The following SPOCK1 variants were observed in gnomAD, a reference collection of about 807,000 sequenced individuals.
SPOCK1 encodes the protein testican-1.
In SPOCK1, 23 loss-of-function variants were observed where a neutral mutation model predicts 55.3. The ratio of observed to expected loss-of-function variants is 0.42; its 90% CI spans 0.30 to 0.59. SPOCK1 has a LOEUF of 0.59. Among genes scored for constraint, SPOCK1 ranks in the 20% least tolerant of loss-of-function variants. The probability of loss-of-function intolerance (pLI) is 0.22; values close to 1 mark genes in which losing one functional copy is unlikely to be tolerated. For synonymous variants in SPOCK1, 226 were observed against 221.0 expected (o/e 1.02, Z -0.20); for missense variants, 499 against 552.5 (o/e 0.90, Z 0.97).
At chr5:137,395,873 T>G (rs1443276342) in intron 2 of SPOCK1, among the ~76,000 whole-genome samples, 1 of 152,150 alleles carries the variant, frequency 6.6e-6, no homozygotes, top group Admixed American at 6.5e-5. Context: ...TAGATGGGAA[T>G]AGCTAACCAA....
At chr5:136,989,939 CT>C (rs1444097549) in intron 7 of SPOCK1, among the ~76,000 whole-genome samples, 2 of 151,760 alleles carry the variant, frequency 1.3e-5, no homozygotes, top group Non-Finnish European at 2.9e-5. Flanking sequence ...GAGACAGAGT[CT>C]CACCCTGTTG....
At chr5:137,349,310 G>A (rs1750627393) in intron 2 of SPOCK1, among the ~76,000 whole-genome samples, 1 of 152,164 alleles carries the variant, frequency 6.6e-6, no homozygotes, top group Non-Finnish European at 1.5e-5. Context: ...ATTGCCAAAA[G>A]ACCTGCAATA....
intron 5 of SPOCK1, among the ~76,000 whole-genome samples, chr5:137,111,317 G>A (rs907573580): frequency 6.6e-6 from 1 of 152,140 alleles, no homozygotes; most frequent in African/African-American, 2.4e-5. Flanking sequence ...GTCCCCTACA[G>A]CAACTCTTTA....
chr5:137,224,588 G>C (rs1030871498), intron 3 of SPOCK1, among the ~76,000 whole-genome samples: 6 of 152,136 alleles, frequency 3.9e-5, no homozygotes, highest in African/African-American at 9.7e-5. Context: ...AAGCATCACC[G>C]ATCAACCTGA....
chr5:137,346,625 A>G (rs940962476), intron 2 of SPOCK1, among the ~76,000 whole-genome samples: 1 of 152,232 alleles, frequency 6.6e-6, no homozygotes. Context: ...AACAGGAGGT[A>G]CATTCAAATT....
chr5:137,307,091 T>G (rs1025258426), intron 2 of SPOCK1, among the ~76,000 whole-genome samples: 1 of 152,232 alleles, frequency 6.6e-6, no homozygotes, highest in African/African-American at 2.4e-5. Context: ...CTCAATGCTC[T>G]TGCCTGTAAA....
At chr5:137,408,492 C>G (rs1752145497) in intron 2 of SPOCK1, among the ~76,000 whole-genome samples, 1 of 152,176 alleles carries the variant, frequency 6.6e-6, no homozygotes, top group Admixed American at 6.5e-5. Flanking sequence ...TCCTAAGTGC[C>G]CTTGAAACAC....
At chr5:137,085,822 G>T (rs757743406) in intron 5 of SPOCK1, among the ~76,000 whole-genome samples, 3 of 152,146 alleles carry the variant, frequency 2.0e-5, no homozygotes, top group Non-Finnish European at 2.9e-5. Flanking sequence ...TGGGTGGAAA[G>T]CTGTATCTCA....
intron 2 of SPOCK1, among the ~76,000 whole-genome samples, chr5:137,393,164 T>C (rs776123015): frequency 2.6e-5 from 4 of 152,192 alleles, no homozygotes; most frequent in African/African-American, 4.8e-5. Context: ...AGTAGATCAA[T>C]TGCATTAGGG....
chr5:136,992,761 C>G, intron 6 of SPOCK1, 161 bp from the exon 7 acceptor site: 1 of 529,146 alleles, frequency 1.9e-6, no homozygotes. Flanking sequence ...TTAGTACAAA[C>G]AAAGAGTGGG....
chr5:136,991,971 C>G (rs191372149), intron 7 of SPOCK1, among the ~76,000 whole-genome samples: 435 of 152,300 alleles, frequency 2.9e-3, no homozygotes, highest in African/African-American at 0.01. Flanking sequence ...GACTATTGTA[C>G]AAAAAGACAT....
At chr5:137,416,464 ACCT>A (rs1042154907) in intron 2 of SPOCK1, among the ~76,000 whole-genome samples, 1 of 152,096 alleles carries the variant, frequency 6.6e-6, no homozygotes, top group African/African-American at 2.4e-5. Context: ...TTTTAAATAT[ACCT>A]ATCGCATTCT....
At chr5:137,251,592 C>T (rs1484509504) in intron 3 of SPOCK1, among the ~76,000 whole-genome samples, 1 of 152,200 alleles carries the variant, frequency 6.6e-6, no homozygotes, top group African/African-American at 2.4e-5. Flanking sequence ...TGGTCACCTT[C>T]AATCCATGAA....
intron 6 of SPOCK1, among the ~76,000 whole-genome samples, chr5:137,043,129 C>T (rs976830783): frequency 6.6e-6 from 1 of 152,112 alleles, no homozygotes; most frequent in African/African-American, 2.4e-5. Flanking sequence ...AAATAAAATA[C>T]ACCACAGTGG....
intron 2 of SPOCK1, among the ~76,000 whole-genome samples, chr5:137,382,599 C>A (rs2127175659): frequency 6.6e-6 from 1 of 152,242 alleles, no homozygotes; most frequent in Admixed American, 6.5e-5. Context: ...GAAGCAAGGA[C>A]CTTCTTCACA....
At chr5:137,393,314 GT>G (rs2127180287) in intron 2 of SPOCK1, among the ~76,000 whole-genome samples, 1 of 152,266 alleles carries the variant, frequency 6.6e-6, no homozygotes, top group Admixed American at 6.5e-5. Flanking sequence ...ACACTAGAGT[GT>G]TTCAGCTACT....
At chr5:137,070,947 G>T (rs1352127134) in intron 5 of SPOCK1, among the ~76,000 whole-genome samples, 1 of 151,732 alleles carries the variant, frequency 6.6e-6, no homozygotes, top group African/African-American at 2.4e-5. Flanking sequence ...CAAGTTCAAG[G>T]GCACAGATCT....
rs151333082 is a variant in SPOCK1 at position 137,361,567 on chromosome 5, A to T, written c.187-94512T>A. Among the ~76,000 whole-genome samples, 40 of 152,338 alleles carry T rather than the reference A, an allele frequency of 2.6e-4. No individual in the cohort carries two copies. In the East Asian group the frequency reaches 7.3e-3, roughly 28 times the overall value. On this transcript the variant is annotated intron_variant, in intron 2 of 10. Coordinates refer to ENST00000394945, the MANE Select transcript of SPOCK1 (RefSeq NM_004598.4). ...AAGTAAAAATGCAGGAAATAAAATT[A>T]TTTAAACAATGTGATTTCAATTATG...
At chr5:137,462,579 T>C (rs949625345) in intron 2 of SPOCK1, among the ~76,000 whole-genome samples, 1 of 152,180 alleles carries the variant, frequency 6.6e-6, no homozygotes, top group African/African-American at 2.4e-5. Context: ...TGCCTGTGCG[T>C]TGTTTTCCTT....
Sources: allele counts gnomAD v4.1 joint callset (sites outside exome capture counted in the v4.1 genomes callset), GRCh38; gene constraint gnomAD v4.1.1; transcripts MANE v1.5; gene names NCBI Gene and HGNC (gene_info 2026-07-23, HGNC 2026-07-21).